COL4A2: variants seen among roughly 807,000 people sequenced by gnomAD.
The protein encoded by COL4A2 is collagen alpha-2(IV) chain.
COL4A2 carries 99 observed loss-of-function variants against 200.2 expected under a neutral mutation model. The ratio of observed to expected loss-of-function variants is 0.49; its 90% confidence interval spans 0.42 to 0.58. The LOEUF (loss-of-function observed/expected upper bound fraction) is 0.58, where lower values mean the gene tolerates loss of function less well. Ranked by LOEUF, COL4A2 falls within the 20% of genes least tolerant of loss-of-function variation. The pLI, the probability that COL4A2 is intolerant of heterozygous loss-of-function variation, is 0.00. For synonymous variants in COL4A2, 897 were observed against 900.6 expected (o/e 1.00, Z 0.07); for missense variants, 1,950 against 2,314.1 (o/e 0.84, Z 3.23).
At chr13:110,500,100 A>C (rs1883590657) in intron 40 of COL4A2, among the ~76,000 whole-genome samples, 1 of 152,236 alleles carries the variant, frequency 6.6e-6, no homozygotes, top group African/African-American at 2.4e-5. Context: ...GCACGCATGA[A>C]TGGAATCCTT....
intron 3 of COL4A2, among the ~76,000 whole-genome samples, chr13:110,326,514 CTT>C (rs989504105): frequency 2.0e-4 from 30 of 152,338 alleles, no homozygotes; most frequent in Admixed American, 8.5e-4. Context: ...TTCAGCCTCT[CTT>C]TCCCTTAGCA....
At chr13:110,480,140 C>A in intron 30 of COL4A2, 80 bp from the exon 31 acceptor site, 1 of 1,416,700 alleles carries the variant, frequency 7.1e-7, no homozygotes, top group South Asian at 1.4e-5. Context: ...TTACTGAACA[C>A]TCAATGCCGT....
At chr13:110,369,750 A>G (rs534639867) in intron 4 of COL4A2, among the ~76,000 whole-genome samples, 29 of 152,212 alleles carry the variant, frequency 1.9e-4, no homozygotes, top group African/African-American at 4.1e-4. Flanking sequence ...AGATACCTCA[A>G]TGATACTCAG....
At chr13:110,497,583 T>C (rs1380009897) in intron 40 of COL4A2, among the ~76,000 whole-genome samples, 53 of 126,328 alleles carry the variant, frequency 4.2e-4, no homozygotes, top group African/African-American at 9.5e-4. Flanking sequence ...GGCTGAGGAT[T>C]TAGGTCAATC....
At chr13:110,411,481 C>T (rs975506044) in intron 4 of COL4A2, among the ~76,000 whole-genome samples, 1 of 152,172 alleles carries the variant, frequency 6.6e-6, no homozygotes, top group African/African-American at 2.4e-5. Flanking sequence ...TAAAAAGTAA[C>T]AGAAATGGCT....
intron 30 of COL4A2, among the ~76,000 whole-genome samples, chr13:110,479,529 A>AG (rs1246393025): frequency 3.7e-5 from 1 of 26,898 alleles, no homozygotes; most frequent in Admixed American, 5.7e-4. Context: ...GCCTGATTTG[A>AG]GGGGGCTGGG....
intron 37 of COL4A2, 83 bp from the exon 38 acceptor site, chr13:110,491,987 C>A: frequency 1.6e-6 from 2 of 1,212,250 alleles, no homozygotes; most frequent in Non-Finnish European, 2.3e-6. Flanking sequence ...CCTCCCAGAG[C>A]GGCTGCCCCT....
At chr13:110,441,360 C>T (rs1355636380) in intron 16 of COL4A2, among the ~76,000 whole-genome samples, 1 of 152,198 alleles carries the variant, frequency 6.6e-6, no homozygotes, top group South Asian at 2.1e-4. Flanking sequence ...AGACACGGGC[C>T]GTCTTGACCC....
In COL4A2 at chr13:110,460,724, TTTGTTTTTATTG is replaced by T. The variant is rs1222349504; in HGVS notation, c.1597-1381_1597-1370del. Reference sequence around the variant, plus strand: ...GAGTTTTTTGGTTAGTTTTTGTTTGTTTGTTTTTATTGTTGTTTTTGGTTTTTAATATCTGTA... The same window carrying T: ...GAGTTTTTTGGTTAGTTTTTGTTTGTTTGTTTTTGGTTTTTAATATCTGTA... On this transcript the variant is annotated intron_variant, in intron 22 of 47. Coordinates refer to ENST00000360467, the MANE Select transcript of COL4A2 (RefSeq NM_001846.4). 4.6e-5 allele frequency among the ~76,000 whole-genome samples: 7 copies of T among 152,292 alleles called. No homozygotes were observed. In the South Asian group the frequency reaches 1.4e-3, roughly 32 times the overall value.
intron 4 of COL4A2, among the ~76,000 whole-genome samples, chr13:110,392,921 G>C (rs1879041019): frequency 1.3e-5 from 2 of 152,368 alleles, no homozygotes; most frequent in African/African-American, 4.8e-5. Flanking sequence ...CATGGGGCAG[G>C]TGGTTGATTT....
chr13:110,349,330 C>T (rs1005145462), intron 3 of COL4A2, among the ~76,000 whole-genome samples: 54 of 152,324 alleles, frequency 3.5e-4, no homozygotes, highest in East Asian at 7.7e-4. Context: ...GGAGGACACC[C>T]TTTTCCCCGG....
intron 4 of COL4A2, among the ~76,000 whole-genome samples, chr13:110,393,583 G>GAA (rs111823390): frequency 1.1e-3 from 164 of 150,626 alleles, no homozygotes; most frequent in African/African-American, 3.7e-3. Context: ...CTATAAAGAG[G>GAA]GAAAAAAAAA....
chr13:110,509,897 A>G (rs74124664), intron 47 of COL4A2, among the ~76,000 whole-genome samples: 1,727 of 152,294 alleles, frequency 0.011, 26 homozygotes, highest in African/African-American at 0.039. Flanking sequence ...CTGACAATGG[A>G]TAAGTGAGCA....
chr13:110,444,027 C>T (rs915375081), intron 16 of COL4A2, among the ~76,000 whole-genome samples: 24 of 152,188 alleles, frequency 1.6e-4, no homozygotes, highest in African/African-American at 5.8e-4. Context: ...AGTCAGTTGA[C>T]CTGTTGACCT....
chr13:110,314,320 G>T (rs551450402), intron 3 of COL4A2, among the ~76,000 whole-genome samples: 1 of 152,342 alleles, frequency 6.6e-6, no homozygotes, highest in African/African-American at 2.4e-5. Flanking sequence ...GTGTGCATGG[G>T]TCAGATGGAC....
chr13:110,491,877 T>G (rs1883296498), intron 37 of COL4A2, among the ~76,000 whole-genome samples, 193 bp from the exon 38 acceptor site: 1 of 152,192 alleles, frequency 6.6e-6, no homozygotes, highest in Non-Finnish European at 1.5e-5. Flanking sequence ...CAAATCCTAT[T>G]GAATTTGTAT....
chr13:110,341,904 G>A lies in COL4A2; in HGVS notation c.100-15568G>A, dbSNP rs191000629. 6.6e-5 allele frequency among the ~76,000 whole-genome samples: 10 copies of A among 152,336 alleles called. No individual in the cohort carries two copies. In the East Asian group the frequency reaches 1.9e-3, roughly 29 times the overall value. On this transcript the variant is annotated intron_variant, in intron 3 of 47. Transcript: ENST00000360467. ...AGAATACTGGAGGAAGTCCGCGTTT[G>A]TGGATGTTTATAATCTCAGCATGTT...
chr13:110,438,249 G>C (rs1880973967), intron 14 of COL4A2, among the ~76,000 whole-genome samples: 1 of 152,230 alleles, frequency 6.6e-6, no homozygotes, highest in African/African-American at 2.4e-5. Context: ...ATAAACACTG[G>C]CTAATCATCT....
chr13:110,477,795 A>G (rs979020714), intron 29 of COL4A2: 5 of 416,384 alleles, frequency 1.2e-5, no homozygotes, highest in African/African-American at 6.1e-5. Flanking sequence ...AAGGGCAGGA[A>G]GGAAATTCCC....
Sources: allele counts gnomAD v4.1 joint callset (sites outside exome capture counted in the v4.1 genomes callset), GRCh38; gene constraint gnomAD v4.1.1; transcripts MANE v1.5; gene names NCBI Gene and HGNC (gene_info 2026-07-23, HGNC 2026-07-21).